The following ROBO2 variants were observed in gnomAD, a reference collection of about 807,000 sequenced individuals.
The protein encoded by ROBO2 is roundabout guidance receptor 2, also known as roundabout homolog 2.
ROBO2 carries 53 observed loss-of-function variants against 160.8 expected under a neutral mutation model. The observed-to-expected ratio is 0.33, with a 90% CI of 0.26 to 0.41. The LOEUF is 0.41. Ranked by LOEUF, ROBO2 falls within the 10% of genes least tolerant of loss-of-function variation. ROBO2 has a pLI of 1.00. For synonymous variants in ROBO2, 664 were observed against 611.7 expected (o/e 1.09, Z -1.26); for missense variants, 1,577 against 1,722.4 (o/e 0.92, Z 1.49).
At chr3:76,001,797 A>G (rs1485313633) in intron 2 of ROBO2, among the ~76,000 whole-genome samples, 1 of 152,140 alleles carries the variant, frequency 6.6e-6, no homozygotes. Context: ...TGGTCTCCCT[A>G]GCCTCCCAAA....
chr3:77,588,702 G>A, intron 16 of ROBO2, 49 bp from the exon 18 acceptor site: 3 of 1,538,806 alleles, frequency 1.9e-6, no homozygotes, highest in African/African-American at 1.4e-5. Flanking sequence ...TTATATTCCT[G>A]TGCTTATTTT....
intron 2 of ROBO2, among the ~76,000 whole-genome samples, chr3:76,106,024 G>T (rs550773200): frequency 2.0e-5 from 3 of 152,210 alleles, no homozygotes; most frequent in Non-Finnish European, 4.4e-5. Flanking sequence ...TTTCAGGTTA[G>T]AGGTTCAATA....
At chr3:76,141,147 C>CCA (rs2071636099) in intron 2 of ROBO2, among the ~76,000 whole-genome samples, 1 of 56,332 alleles carries the variant, frequency 1.8e-5, no homozygotes, top group Non-Finnish European at 3.2e-5. Context: ...CTCTCTCTCT[C>CCA]TCTCTCTCTC....
chr3:77,004,686 G>A (rs564016861), intron 2 of ROBO2, among the ~76,000 whole-genome samples: 1 of 152,084 alleles, frequency 6.6e-6, no homozygotes, highest in Non-Finnish European at 1.5e-5. Context: ...TACAGCATAG[G>A]CATTTCGCTT....
intron 2 of ROBO2, among the ~76,000 whole-genome samples, chr3:76,355,651 T>G (rs993701789): frequency 6.6e-6 from 1 of 151,802 alleles, no homozygotes; most frequent in East Asian, 1.9e-4. Context: ...AACACCTGCA[T>G]AGCAATCTGA....
At chr3:76,870,195 C>G (rs899155544) in intron 2 of ROBO2, among the ~76,000 whole-genome samples, 2 of 152,028 alleles carry the variant, frequency 1.3e-5, no homozygotes, top group Admixed American at 1.3e-4. Flanking sequence ...TGTAATAATC[C>G]CAGAGACAAA....
At chr3:76,445,825 G>C (rs1018794445) in intron 2 of ROBO2, among the ~76,000 whole-genome samples, 9 of 152,092 alleles carry the variant, frequency 5.9e-5, no homozygotes, top group African/African-American at 9.7e-5. Flanking sequence ...AAAGGCCTCT[G>C]ACAAAATTCA....
At chr3:76,721,224 A>G (rs908810987) in intron 2 of ROBO2, among the ~76,000 whole-genome samples, 3 of 152,212 alleles carry the variant, frequency 2.0e-5, no homozygotes, top group East Asian at 1.9e-4. Flanking sequence ...AAAAATTTTT[A>G]CAAAGTTTCC....
chr3:77,637,604 T>C (rs1204452595), intron 24 of ROBO2, among the ~76,000 whole-genome samples: 2 of 152,188 alleles, frequency 1.3e-5, no homozygotes, highest in Admixed American at 1.3e-4. Context: ...TTCATCTAAT[T>C]CTTCGTAAAT....
At chr3:76,462,729 G>A (rs1378425417) in intron 2 of ROBO2, among the ~76,000 whole-genome samples, 1 of 152,108 alleles carries the variant, frequency 6.6e-6, no homozygotes, top group Non-Finnish European at 1.5e-5. Context: ...ATGTAAGAAT[G>A]TATAAAAGTG....
chr3:76,837,359 T>G, intron 2 of ROBO2, among the ~76,000 whole-genome samples: 1 of 151,916 alleles, frequency 6.6e-6, no homozygotes, highest in East Asian at 1.9e-4. Flanking sequence ...TATAAGAAAA[T>G]ACCTCAAGAA....
chr3:76,920,521 A>G (rs1360798844), intron 2 of ROBO2, among the ~76,000 whole-genome samples: 2 of 152,218 alleles, frequency 1.3e-5, no homozygotes, highest in Non-Finnish European at 2.9e-5. Flanking sequence ...ATGAAGCAGA[A>G]AATCCTAAGT....
chr3:75,918,622 G>C (rs1946905596), intron 1 of ROBO2, among the ~76,000 whole-genome samples: 1 of 152,070 alleles, frequency 6.6e-6, no homozygotes, highest in Non-Finnish European at 1.5e-5. Flanking sequence ...AATTACTTTG[G>C]GCAATATGGC....
chr3:76,447,222 G>T (rs2109213225), intron 2 of ROBO2, among the ~76,000 whole-genome samples: 1 of 152,268 alleles, frequency 6.6e-6, no homozygotes, highest in South Asian at 2.1e-4. Flanking sequence ...CCATCAAAAA[G>T]CGGGTGAAGG....
chr3:76,243,164 G>C (rs1311492450), intron 2 of ROBO2, among the ~76,000 whole-genome samples: 1 of 152,096 alleles, frequency 6.6e-6, no homozygotes, highest in Non-Finnish European at 1.5e-5. Flanking sequence ...CGGATGCCAG[G>C]TTGCAAAGTT....
intron 2 of ROBO2, among the ~76,000 whole-genome samples, chr3:76,923,080 G>T (rs1250710181): frequency 2.0e-5 from 3 of 152,174 alleles, no homozygotes; most frequent in Non-Finnish European, 2.9e-5. Context: ...TCACACAGTT[G>T]CTTCGGGCAT....
chr3:76,472,063 ATGTGTG>A (rs57259386), intron 2 of ROBO2, among the ~76,000 whole-genome samples: 3,550 of 137,888 alleles, frequency 0.026, 87 homozygotes, highest in East Asian at 0.12. Flanking sequence ...GTCTGATAAA[ATGTGTG>A]TGTGTGTGTG....
intron 2 of ROBO2, among the ~76,000 whole-genome samples, chr3:76,792,949 AT>A (rs1185822440): frequency 6.6e-6 from 1 of 151,806 alleles, no homozygotes; most frequent in Non-Finnish European, 1.5e-5. Context: ...AACTGTTTAA[AT>A]TTTCTTAAAT....
chr3:77,413,781 A>G (rs1165296149), intron 2 of ROBO2, among the ~76,000 whole-genome samples: 2 of 152,326 alleles, frequency 1.3e-5, no homozygotes, highest in East Asian at 3.9e-4. Flanking sequence ...GGAAGAACAG[A>G]ATTGCCACTT....
Sources: gnomAD v4.1 joint callset for allele counts (sites outside exome capture counted in the v4.1 genomes callset) on GRCh38, gnomAD v4.1.1 for gene constraint, MANE v1.5 for transcripts, NCBI Gene and HGNC (gene_info 2026-07-23, HGNC 2026-07-21) for gene names.